CDK19: variants seen among roughly 807,000 people sequenced by gnomAD.
CDK19 encodes the protein cyclin-dependent kinase 19.
Under a neutral mutation model 68.3 loss-of-function variants are expected in CDK19, and 20 were observed. That is an observed-to-expected ratio of 0.29 (90% CI 0.21 to 0.43). CDK19 has a LOEUF of 0.43. Among genes scored for constraint, CDK19 ranks in the 20% least tolerant of loss-of-function variants. CDK19 has a pLI of 1.00. For synonymous variants in CDK19, 221 were observed against 222.8 expected (o/e 0.99, Z 0.07); for missense variants, 339 against 623.5 (o/e 0.54, Z 4.86).
Position 110,626,760 on chromosome 6 carries a change from G to A in CDK19, c.860+16C>T, listed in dbSNP as rs370721003. On this transcript the variant is annotated intron_variant, in intron 8 of 12. Coordinates refer to ENST00000368911, the MANE Select transcript of CDK19 (RefSeq NM_015076.5). ...ATAGCAGCACAAAAAGACTAAGACT[G>A]TGTGGAATTACTTACGTTGTTCTTC... is the stretch of plus-strand genomic sequence containing the variant. The A allele has an allele frequency of 2.1e-4, 308 of 1,457,210 alleles. 1 individual carries two copies. Among genetic ancestry groups the A allele is most frequent in the Non-Finnish European group, 2.7e-4 (282 of 1,057,672 alleles). 90.3% of individuals were successfully genotyped at this position (1,457,210 alleles called of 1,614,324 possible). A position where few individuals can be genotyped will look rare whatever the true frequency, so the allele number is the denominator to read the frequency against.
rs1279646436 is a variant in CDK19 at position 110,666,976 on chromosome 6, GATTT to G, written c.456+454_456+457del. Among the ~76,000 whole-genome samples, 12 of 151,974 alleles carry G rather than the reference GATTT, an allele frequency of 7.9e-5. No individual in the cohort carries two copies. The South Asian group carries it at 1.2e-3, about 16-fold the overall frequency. On this transcript the variant is annotated intron_variant, in intron 4 of 12. Coordinates refer to ENST00000368911, the MANE Select transcript of CDK19 (RefSeq NM_015076.5). ...CCTAATAAGTATATACCACCTGTTAGATTTATTTATTCATTTGTTTATTAATATT... is the reference window on the plus strand; with the variant it reads ...CCTAATAAGTATATACCACCTGTTAGATTTATTCATTTGTTTATTAATATT...
intron 6 of CDK19, among the ~76,000 whole-genome samples, chr6:110,631,554 C>T (rs913213909): frequency 2.6e-5 from 4 of 152,244 alleles, no homozygotes; most frequent in African/African-American, 9.6e-5. Flanking sequence ...AATGGAGAAA[C>T]TGCCATTCTC....
intron 1 of CDK19, among the ~76,000 whole-genome samples, chr6:110,807,396 C>T (rs706929): frequency 0.33 from 50,053 of 152,044 alleles, 9,416 homozygotes; most frequent in East Asian, 0.68. Context: ...CCAAGAATGA[C>T]TGCCCCTAAA....
intron 1 of CDK19, among the ~76,000 whole-genome samples, chr6:110,755,487 G>A (rs1013583457): frequency 6.6e-6 from 1 of 152,160 alleles, no homozygotes; most frequent in Admixed American, 6.6e-5. Context: ...CTGCTATCAG[G>A]TAAACAATTT....
chr6:110,767,234 G>C (rs968642370), intron 1 of CDK19, among the ~76,000 whole-genome samples: 19 of 152,074 alleles, frequency 1.2e-4, no homozygotes, highest in Admixed American at 1.0e-3. Context: ...CCAGGGGATG[G>C]GGAGAAAAGG....
At chr6:110,637,200 GTC>G (rs1335184955) in intron 5 of CDK19, among the ~76,000 whole-genome samples, 1 of 152,238 alleles carries the variant, frequency 6.6e-6, no homozygotes, top group Non-Finnish European at 1.5e-5. Context: ...TCATTTTACT[GTC>G]TCTCACAGAA....
chr6:110,633,078 G>T (rs557003941), intron 5 of CDK19, among the ~76,000 whole-genome samples: 4 of 151,930 alleles, frequency 2.6e-5, no homozygotes, highest in Non-Finnish European at 5.9e-5. Context: ...AATTAGCTGG[G>T]CGTGGTGGCG....
At chr6:110,631,348 C>T (rs1381170670) in intron 6 of CDK19, among the ~76,000 whole-genome samples, 2 of 152,206 alleles carry the variant, frequency 1.3e-5, no homozygotes, top group African/African-American at 4.8e-5. Flanking sequence ...CTCCTACTGA[C>T]TCCCTCCATT....
At chr6:110,766,137 T>C (rs978711483) in intron 1 of CDK19, among the ~76,000 whole-genome samples, 1 of 152,202 alleles carries the variant, frequency 6.6e-6, no homozygotes, top group Non-Finnish European at 1.5e-5. Context: ...GTCAAAGAGA[T>C]AGCTGCACTC....
At chr6:110,761,101 T>C (rs561452973) in intron 1 of CDK19, among the ~76,000 whole-genome samples, 6 of 152,136 alleles carry the variant, frequency 3.9e-5, no homozygotes, top group African/African-American at 1.2e-4. Flanking sequence ...TTTTAAGCAA[T>C]CTGGGTTGGT....
intron 1 of CDK19, among the ~76,000 whole-genome samples, chr6:110,790,639 G>C (rs943092629): frequency 2.6e-5 from 4 of 152,104 alleles, no homozygotes; most frequent in Non-Finnish European, 5.9e-5. Context: ...GATTCACTTT[G>C]AAATTTTATA....
intron 2 of CDK19, among the ~76,000 whole-genome samples, chr6:110,677,518 A>G (rs1771631131): frequency 6.6e-6 from 1 of 150,862 alleles, no homozygotes; most frequent in South Asian, 2.1e-4. Flanking sequence ...GTGAGCCGAG[A>G]TCGCGCCACT....
Position 110,815,325 on chromosome 6 carries a change from C to G in CDK19, c.-189G>C, listed in dbSNP as rs534917536. ...ACTCCTCGGCGGCCACAGCAGCCAC[C>G]TCCTCCACCTCTTCCTCCTCCTCCT... On this transcript the variant is annotated 5_prime_UTR_variant, in exon 1 of 13. Transcript: ENST00000368911. 1.7e-3 allele frequency: 842 copies of G among 498,360 alleles called. 2 individuals carry two copies. Among genetic ancestry groups the G allele is most frequent in the Non-Finnish European group, 2.4e-3 (740 of 310,066 alleles). 30.9% of individuals were successfully genotyped at this position (498,360 alleles called of 1,614,324 possible).
rs553399648 is a variant in CDK19, at chr6:110,796,913, G to A, written c.128+18096C>T. On this transcript the variant is annotated intron_variant, in intron 1 of 12. Transcript: ENST00000368911. Reference sequence around the variant, plus strand: ...TAATCCCAGCAACTCAGGAGACTGAGGCACGAGAATTGCTTGAACCCAGGA... The same window carrying A: ...TAATCCCAGCAACTCAGGAGACTGAAGCACGAGAATTGCTTGAACCCAGGA... 7.3e-5 allele frequency among the ~76,000 whole-genome samples: 11 copies of A among 150,652 alleles called. No homozygotes were observed. The South Asian group carries it at 2.3e-3, about 32-fold the overall frequency.
chr6:110,640,361 A>C (rs77877985), intron 4 of CDK19, among the ~76,000 whole-genome samples: 4,260 of 152,148 alleles, frequency 0.028, 85 homozygotes, highest in South Asian at 0.082. Flanking sequence ...CAGTGAGTTT[A>C]CAGGAGAGGA....
chr6:110,679,641 A>G lies in CDK19; in HGVS notation c.205-9100T>C, dbSNP rs138521578. Reference sequence around the variant, plus strand: ...ACATAAAAAATTTTTTTAAAAAAAGAAAGTTAAATAAAATCATTAAAATGT... The same window carrying G: ...ACATAAAAAATTTTTTTAAAAAAAGGAAGTTAAATAAAATCATTAAAATGT... On this transcript the variant is annotated intron_variant, in intron 2 of 12. Coordinates refer to ENST00000368911, the MANE Select transcript of CDK19 (RefSeq NM_015076.5). Among the ~76,000 whole-genome samples the G allele has an allele frequency of 1.6e-4, 25 of 152,296 alleles. No individual in the cohort carries two copies. The East Asian group carries it at 3.1e-3, about 19-fold the overall frequency.
intron 2 of CDK19, among the ~76,000 whole-genome samples, chr6:110,705,936 T>C (rs1033939141): frequency 1.3e-5 from 2 of 152,130 alleles, no homozygotes; most frequent in Non-Finnish European, 2.9e-5. Context: ...CCATGGCACA[T>C]GTATACCTAT....
chr6:110,641,646 A>AAATGAAGGAAGGAAGG (rs1780186726), intron 4 of CDK19, among the ~76,000 whole-genome samples: 1 of 131,416 alleles, frequency 7.6e-6, no homozygotes, highest in Non-Finnish European at 1.6e-5. Context: ...AAAGGGAAAG[A>AAATGAAGGAAGGAAGG]AAGGAAGGAA....
chr6:110,735,892 G>A lies in CDK19; in HGVS notation c.204+10234C>T, dbSNP rs762763786. On this transcript the variant is annotated intron_variant, in intron 2 of 12. Transcript: ENST00000368911. ...CCAAAACATTTCATGAGATTCAGTT[G>A]ATACTGCAGTTAGAGGGTGGAGCTG... 2.6e-5 allele frequency among the ~76,000 whole-genome samples: 4 copies of A among 152,174 alleles called. No homozygotes were observed. In the East Asian group the frequency reaches 7.7e-4, roughly 29 times the overall value.
Sources: gnomAD v4.1 joint callset for allele counts (sites outside exome capture counted in the v4.1 genomes callset) on GRCh38, gnomAD v4.1.1 for gene constraint, MANE v1.5 for transcripts, NCBI Gene and HGNC (gene_info 2026-07-23, HGNC 2026-07-21) for gene names.